Variants in LRRTM4 observed in about 807,000 individuals in gnomAD.
LRRTM4 encodes the protein leucine rich repeat transmembrane neuronal 4, also known as leucine-rich repeat transmembrane neuronal protein 4.
LRRTM4 carries 25 observed loss-of-function variants against 47.6 expected under a neutral mutation model. The ratio of observed to expected loss-of-function variants is 0.53; its 90% confidence interval spans 0.38 to 0.73. LRRTM4 has a LOEUF of 0.73. Among genes scored for constraint, LRRTM4 ranks in the 30% least tolerant of loss-of-function variants. The probability of loss-of-function intolerance (pLI) is 0.00; values close to 1 mark genes in which losing one functional copy is unlikely to be tolerated. For missense variants in LRRTM4, 638 were observed against 713.4 expected (o/e 0.89, Z 1.20); for synonymous variants, 311 against 269.5 (o/e 1.15, Z -1.51).
At chr2:77,244,619 T>A (rs1306921882) in intron 3 of LRRTM4, among the ~76,000 whole-genome samples, 1 of 152,054 alleles carries the variant, frequency 6.6e-6, no homozygotes, top group African/African-American at 2.4e-5. Flanking sequence ...CCTTATGTCA[T>A]CACCTCCCCC....
intron 3 of LRRTM4, among the ~76,000 whole-genome samples, chr2:77,416,429 T>C (rs930385157): frequency 6.6e-6 from 1 of 152,114 alleles, no homozygotes; most frequent in Non-Finnish European, 1.5e-5. Context: ...TAACTCATGG[T>C]AAGTACTAAA....
intron 3 of LRRTM4, among the ~76,000 whole-genome samples, chr2:76,909,706 AAAG>A (rs1209566693): frequency 6.6e-6 from 1 of 152,202 alleles, no homozygotes; most frequent in African/African-American, 2.4e-5. Context: ...ACACTTCTCA[AAAG>A]AAGACATTTA....
intron 3 of LRRTM4, among the ~76,000 whole-genome samples, chr2:77,438,393 A>ATTTTTTTTTTT (rs70956631): frequency 2.0e-5 from 2 of 100,186 alleles, no homozygotes; most frequent in African/African-American, 8.9e-5. Flanking sequence ...GATCATGATA[A>ATTTTTTTTTTT]TTTTTTTTTT....
At chr2:77,167,873 C>T (rs1180431313) in intron 3 of LRRTM4, among the ~76,000 whole-genome samples, 1 of 152,000 alleles carries the variant, frequency 6.6e-6, no homozygotes, top group Non-Finnish European at 1.5e-5. Context: ...ATGGGTGCAC[C>T]AGACCAACAT....
intron 3 of LRRTM4, among the ~76,000 whole-genome samples, chr2:76,797,755 A>G (rs1675425363): frequency 6.6e-6 from 1 of 151,066 alleles, no homozygotes; most frequent in Non-Finnish European, 1.5e-5. Context: ...GGCTCAAAAT[A>G]AAAGGATGGG....
chr2:77,127,874 G>A (rs1358068360), intron 3 of LRRTM4, among the ~76,000 whole-genome samples: 1 of 152,222 alleles, frequency 6.6e-6, no homozygotes, highest in African/African-American at 2.4e-5. Flanking sequence ...GCCAGGTGCA[G>A]TGGCTCACGC....
chr2:76,966,340 G>C (rs1558766528), intron 3 of LRRTM4, among the ~76,000 whole-genome samples: 1 of 151,262 alleles, frequency 6.6e-6, no homozygotes, highest in Non-Finnish European at 1.5e-5. Context: ...AAGTGGGAGA[G>C]AAAGAAAAGA....
At chr2:76,908,578 G>A (rs531822121) in intron 3 of LRRTM4, among the ~76,000 whole-genome samples, 14 of 152,160 alleles carry the variant, frequency 9.2e-5, no homozygotes, top group African/African-American at 3.4e-4. Context: ...TGACATGATT[G>A]TATATCTAGA....
At chr2:77,434,163 C>T (rs918722505) in intron 3 of LRRTM4, among the ~76,000 whole-genome samples, 8 of 151,782 alleles carry the variant, frequency 5.3e-5, no homozygotes, top group Admixed American at 4.6e-4. Flanking sequence ...GATCTTAAAG[C>T]TGTAGAGAGT....
chr2:76,901,784 T>C lies in LRRTM4; in HGVS notation c.1552-152868A>G, dbSNP rs541190824. 2.1e-3 allele frequency among the ~76,000 whole-genome samples: 326 copies of C among 152,236 alleles called. 1 individual carries two copies. The highest frequency in any genetic ancestry group is 7.6e-3 in the African/African-American group (315 of 41,556). Reference sequence around the variant, plus strand: ...TTCCGAGGTCACCAAAATTCACTCATTGTTACATGCACACTGGATCTGGCA... The same window carrying C: ...TTCCGAGGTCACCAAAATTCACTCACTGTTACATGCACACTGGATCTGGCA... On this transcript the variant is annotated intron_variant, in intron 3 of 3. Transcript: ENST00000409884.
chr2:76,999,294 G>A (rs1465955444), intron 3 of LRRTM4, among the ~76,000 whole-genome samples: 3 of 151,856 alleles, frequency 2.0e-5, no homozygotes, highest in African/African-American at 2.4e-5. Flanking sequence ...ATTCTCAAGT[G>A]AACAGTTTCA....
intron 3 of LRRTM4, among the ~76,000 whole-genome samples, chr2:76,904,880 T>C (rs1295750876): frequency 1.3e-5 from 2 of 152,210 alleles, no homozygotes; most frequent in Admixed American, 1.3e-4. Flanking sequence ...GGCATCATTC[T>C]TGGGGGAGGA....
intron 3 of LRRTM4, among the ~76,000 whole-genome samples, chr2:77,021,757 G>C (rs1487035192): frequency 1.3e-5 from 2 of 152,108 alleles, no homozygotes; most frequent in African/African-American, 4.8e-5. Context: ...TCTAAATTTT[G>C]AAAGTGGTTA....
intron 3 of LRRTM4, among the ~76,000 whole-genome samples, chr2:76,993,146 A>G (rs1338117832): frequency 1.3e-5 from 2 of 151,906 alleles, no homozygotes; most frequent in Non-Finnish European, 2.9e-5. Flanking sequence ...ATTTAAAAGT[A>G]AGACCTCAAA....
chr2:76,846,052 C>CAT (rs143774361), intron 3 of LRRTM4, among the ~76,000 whole-genome samples: 354 of 152,138 alleles, frequency 2.3e-3, no homozygotes, highest in African/African-American at 8.3e-3. Flanking sequence ...GCCTGCTTTT[C>CAT]ATATATATGC....
chr2:77,329,914 T>C (rs925703689), intron 3 of LRRTM4, among the ~76,000 whole-genome samples: 2 of 152,152 alleles, frequency 1.3e-5, no homozygotes, highest in South Asian at 4.1e-4. Flanking sequence ...CCCATCAATA[T>C]AATCATGAGC....
At chr2:76,835,837 A>C (rs1474447928) in intron 3 of LRRTM4, among the ~76,000 whole-genome samples, 1 of 152,114 alleles carries the variant, frequency 6.6e-6, no homozygotes, top group African/African-American at 2.4e-5. Context: ...GAGACCTATC[A>C]GAAAATAGAT....
At chr2:76,890,393 A>G (rs931235307) in intron 3 of LRRTM4, among the ~76,000 whole-genome samples, 1 of 152,054 alleles carries the variant, frequency 6.6e-6, no homozygotes, top group Non-Finnish European at 1.5e-5. Context: ...TACAAGTTCT[A>G]TAAGCATGGG....
intron 3 of LRRTM4, among the ~76,000 whole-genome samples, chr2:76,912,029 C>T (rs867743231): frequency 6.6e-6 from 1 of 150,988 alleles, no homozygotes; most frequent in Admixed American, 6.6e-5. Flanking sequence ...TCTGGGTTCA[C>T]GCCATTCTCC....
Sources: gnomAD v4.1 joint callset for allele counts (sites outside exome capture counted in the v4.1 genomes callset) on GRCh38, gnomAD v4.1.1 for gene constraint, MANE v1.5 for transcripts, NCBI Gene and HGNC (gene_info 2026-07-23, HGNC 2026-07-21) for gene names.